RB1: variants seen among roughly 807,000 people sequenced by gnomAD.
RB1 encodes the protein RB transcriptional corepressor 1.
In RB1, 18 loss-of-function variants were observed where a neutral mutation model predicts 135.4. That is an observed-to-expected ratio of 0.13 (90% CI 0.09 to 0.20). The LOEUF is 0.20. Among genes scored for constraint, RB1 ranks in the 10% least tolerant of loss-of-function variants. The pLI is 1.00. For synonymous variants in RB1, 365 were observed against 373.2 expected (o/e 0.98, Z 0.25); for missense variants, 868 against 1,110.0 (o/e 0.78, Z 3.10).
At chr13:48,316,899 G>T in intron 2 of RB1, 1 of 348,444 alleles carries the variant, frequency 2.9e-6, no homozygotes, top group East Asian at 6.6e-5. Flanking sequence ...CTCCGTGCGC[G>T]GAGTGTCGCT....
Position 48,396,186 on chromosome 13 carries a change from C to T in RB1, c.1695+14743C>T, listed in dbSNP as rs9595899. 2.6e-3 allele frequency among the ~76,000 whole-genome samples: 392 copies of T among 152,072 alleles called. 2 individuals carry two copies. Among genetic ancestry groups the T allele is most frequent in the Middle Eastern group, 0.014 (4 of 294 alleles). ...AGAACCTAAAAAGAGCCCATATAGC[C>T]GAGACAATCTTAAGCAAAAAGAACA... is the stretch of plus-strand genomic sequence containing the variant. On this transcript the variant is annotated intron_variant, in intron 17 of 26. Coordinates refer to ENST00000267163, the MANE Select transcript of RB1 (RefSeq NM_000321.3).
intron 23 of RB1, 39 bp from the exon 24 acceptor site, chr13:48,473,321 T>G: frequency 6.6e-7 from 1 of 1,513,436 alleles, no homozygotes; most frequent in Non-Finnish European, 9.2e-7. Flanking sequence ...TTGTATATGG[T>G]TTTTTATTAC....
chr13:48,362,763 A>G, intron 7 of RB1, 52 bp from the exon 8 acceptor site: 1 of 1,560,914 alleles, frequency 6.4e-7, no homozygotes, highest in South Asian at 1.1e-5. Flanking sequence ...ATACTTCATT[A>G]TTTTATATGA....
At chr13:48,428,822 G>C (rs1949102126) in intron 17 of RB1, among the ~76,000 whole-genome samples, 1 of 152,132 alleles carries the variant, frequency 6.6e-6, no homozygotes, top group Admixed American at 6.6e-5. Context: ...ATTAGAACAA[G>C]GGTTTTCTGT....
intron 6 of RB1, among the ~76,000 whole-genome samples, chr13:48,350,011 A>G (rs1952534163): frequency 6.6e-6 from 1 of 152,174 alleles, no homozygotes; most frequent in Non-Finnish European, 1.5e-5. Flanking sequence ...ATATTTATGC[A>G]ACTAATACTG....
At chr13:48,359,875 C>CA (rs1296606820) in intron 6 of RB1, 142 bp from the exon 7 acceptor site, 37 of 1,109,976 alleles carry the variant, frequency 3.3e-5, no homozygotes, top group South Asian at 8.6e-5. Context: ...TTTTTTTTTA[C>CA]AAAAAAAAGA....
At chr13:48,447,985 T>C (rs915963017) in intron 17 of RB1, among the ~76,000 whole-genome samples, 8 of 152,228 alleles carry the variant, frequency 5.3e-5, no homozygotes, top group Non-Finnish European at 8.8e-5. Context: ...ATCTAATTAG[T>C]GTACTTAAGT....
At chr13:48,462,900 G>GT (rs1453498032) in intron 20 of RB1, among the ~76,000 whole-genome samples, 14 of 152,026 alleles carry the variant, frequency 9.2e-5, no homozygotes, top group Admixed American at 9.2e-4. Flanking sequence ...AAATATATAA[G>GT]TATTTATTTC....
intron 17 of RB1, among the ~76,000 whole-genome samples, chr13:48,442,965 A>G (rs1949252729): frequency 6.6e-6 from 1 of 152,190 alleles, no homozygotes; most frequent in African/African-American, 2.4e-5. Context: ...TCAAATTGAT[A>G]TATCTCTCAT....
At chr13:48,437,501 C>T (rs1343707377) in intron 17 of RB1, among the ~76,000 whole-genome samples, 1 of 152,146 alleles carries the variant, frequency 6.6e-6, no homozygotes, top group Admixed American at 6.5e-5. Context: ...CTCATGTTTC[C>T]TCATGAGAGA....
At chr13:48,352,586 T>G (rs1009302709) in intron 6 of RB1, among the ~76,000 whole-genome samples, 7 of 152,154 alleles carry the variant, frequency 4.6e-5, no homozygotes, top group Non-Finnish European at 8.8e-5. Flanking sequence ...CCTGGTTAGT[T>G]GTATTCCTAT....
intron 2 of RB1, chr13:48,327,976 G>GAA: frequency 3.7e-6 from 2 of 538,852 alleles, no homozygotes; most frequent in Non-Finnish European, 6.6e-6. Context: ...AGATGAAAAA[G>GAA]AAAAAAAAAG....
intron 20 of RB1, among the ~76,000 whole-genome samples, chr13:48,462,077 C>T (rs758994080): frequency 2.6e-5 from 4 of 151,964 alleles, no homozygotes; most frequent in East Asian, 3.9e-4. Context: ...GTGTTCCACC[C>T]GCCTTGGCCT....
chr13:48,380,295 G>T (rs2138143403), intron 16 of RB1, 54 bp downstream of exon 16: 1 of 1,347,452 alleles, frequency 7.4e-7, no homozygotes, highest in South Asian at 1.2e-5. Flanking sequence ...GTTAAAATGT[G>T]GTGTGTTTCT....
At chr13:48,465,797 G>T (rs566687294) in intron 23 of RB1, among the ~76,000 whole-genome samples, 23 of 151,052 alleles carry the variant, frequency 1.5e-4, no homozygotes, top group African/African-American at 5.1e-4. Context: ...AAGGGGTGAC[G>T]GACGCACCTG....
rs548436965 is a variant in RB1, at chr13:48,381,514, G to GT, written c.1695+74dup. The GT allele has an allele frequency of 7.9e-3, 11,004 of 1,390,322 alleles. 63 individuals are homozygous for GT. Among genetic ancestry groups the GT allele is most frequent in the Middle Eastern group, 0.011 (52 of 4,846 alleles). 86.1% of individuals were successfully genotyped at this position (1,390,322 alleles called of 1,614,324 possible). ...TAACAAATTATTGTTAGTGAGAGGT[G>GT]TTTCTTAACATCTACCTCAAGAACA... is the stretch of plus-strand genomic sequence containing the variant. On this transcript the variant is annotated intron_variant, in intron 17 of 26. Transcript: ENST00000267163.
At chr13:48,443,938 C>G (rs1481723619) in intron 17 of RB1, among the ~76,000 whole-genome samples, 1 of 152,146 alleles carries the variant, frequency 6.6e-6, no homozygotes, top group Non-Finnish European at 1.5e-5. Flanking sequence ...TTCTTCTGCT[C>G]TCATACCACC....
At chr13:48,460,732 G>T (rs1949399960) in intron 20 of RB1, among the ~76,000 whole-genome samples, 1 of 152,116 alleles carries the variant, frequency 6.6e-6, no homozygotes, top group South Asian at 2.1e-4. Flanking sequence ...AGGCTGAGGT[G>T]GGCAGATCGC....
chr13:48,381,827 T>C (rs1013829044), intron 17 of RB1, among the ~76,000 whole-genome samples: 2 of 152,208 alleles, frequency 1.3e-5, no homozygotes, highest in Non-Finnish European at 1.5e-5. Flanking sequence ...ATATATCTCC[T>C]AATGCTATCC....
Sources: allele counts gnomAD v4.1 joint callset (sites outside exome capture counted in the v4.1 genomes callset), GRCh38; gene constraint gnomAD v4.1.1; transcripts MANE v1.5; gene names NCBI Gene and HGNC (gene_info 2026-07-23, HGNC 2026-07-21).